Variants in TRIOBP observed in about 807,000 individuals in gnomAD.
The protein encoded by TRIOBP is TRIO and F-actin binding protein.
In TRIOBP, 169 loss-of-function variants were observed where a neutral mutation model predicts 238.8. That is an observed-to-expected ratio of 0.71 (90% confidence interval 0.62 to 0.80). The LOEUF is 0.80. Among genes scored for constraint, TRIOBP ranks in the 30% least tolerant of loss-of-function variants. The probability of loss-of-function intolerance (pLI) is 0.00; values close to 1 mark genes in which losing one functional copy is unlikely to be tolerated. For missense variants in TRIOBP, 2,838 were observed against 3,122.6 expected (o/e 0.91, Z 2.17); for synonymous variants, 1,150 against 1,274.4 (o/e 0.90, Z 2.08).
intron 4 of TRIOBP, among the ~76,000 whole-genome samples, chr22:37,712,164 C>T (rs1371011911): frequency 6.6e-6 from 1 of 151,850 alleles, no homozygotes; most frequent in East Asian, 1.9e-4. Flanking sequence ...GCCTCAGTGT[C>T]TTCCTCTGTG....
In TRIOBP at chr22:37,772,744, C is replaced by T. The variant is rs747891961; in HGVS notation, c.7080C>T (p.Arg2360=). The change falls in exon 23 of 24, where the codon CGC becomes CGT. Residue 2360 remains arginine, a synonymous_variant. Coordinates refer to ENST00000644935, the MANE Select transcript of TRIOBP (RefSeq NM_001039141.3). ...CCCTCCAGGAGAAGGAGTCGATGCG[C>T]AACAGCCTGGCTGAGTAGAGGTGGA... The part of the protein sequence containing the change: ...MAALQEKESM[R]NSLAE 6.2e-7 allele frequency: 1 copy of T among 1,613,668 alleles called. No homozygotes were observed. The highest frequency in any genetic ancestry group is 8.5e-7 in the Non-Finnish European group (1 of 1,180,028).
Position 37,746,175 on chromosome 22 carries a change from C to T in TRIOBP, c.5322+5143C>T. Reference sequence around the variant, plus strand: ...CCCGCCGCTGTTTGTCTCGGCTTCCCCGCCACCCATTGGCCCGCTCGGGTC... The same window carrying T: ...CCCGCCGCTGTTTGTCTCGGCTTCCTCGCCACCCATTGGCCCGCTCGGGTC... On this transcript the variant is annotated intron_variant, in intron 11 of 23. Transcript: ENST00000644935. 5 of 1,045,176 alleles carry T rather than the reference C, an allele frequency of 4.8e-6. No homozygotes were observed. The South Asian group carries it at 1.8e-4, about 37-fold the overall frequency. 64.7% of individuals were successfully genotyped at this position (1,045,176 alleles called of 1,614,324 possible).
At position 37,725,146 on chromosome 22, in the gene TRIOBP, C is replaced by A; in HGVS notation, c.2590C>A (p.Pro864Thr). The change falls in exon 7 of 24, where the codon CCT (proline) becomes ACT (threonine). Residue 864 changes from proline (P) to threonine (T), a missense_variant. Physicochemically the swap from Pro to Thr is conservative, Grantham distance 38 (BLOSUM62 -1). Transcript: ENST00000644935. ...TQSFSFQRDN[P>T]GTSSSQCCTQ... ...GTCCTTTTCCTTTCAACGAGACAAC[C>A]CTGGAACCTCCTCATCTCAATGCTG... The A allele has an allele frequency of 6.2e-7, 1 of 1,614,146 alleles. No individual in the cohort carries two copies. Among genetic ancestry groups the A allele is most frequent in the Non-Finnish European group, 8.5e-7 (1 of 1,180,020 alleles).
Position 37,723,783 on chromosome 22 carries a change from G to A in TRIOBP, c.1227G>A (p.Arg409=), listed in dbSNP as rs1360706442. The change falls in exon 7 of 24, where the codon CGG becomes CGA. Residue 409 remains arginine, a synonymous_variant. Coordinates refer to ENST00000644935, the MANE Select transcript of TRIOBP (RefSeq NM_001039141.3). ...RENSRTSCAQ[R]DNPKASRTSS... ...ATTCCAGAACATCCTGTGCCCAGCG[G>A]GACAATCCCAAAGCCTCCAGAACCT... 4 of 1,418,184 alleles carry A rather than the reference G, an allele frequency of 2.8e-6. No individual in the cohort carries two copies. Among genetic ancestry groups the A allele is most frequent in the Admixed American group, 1.8e-5 (1 of 56,278 alleles). 87.9% of individuals were successfully genotyped at this position (1,418,184 alleles called of 1,614,324 possible).
chr22:37,735,537 T>C, intron 9 of TRIOBP, 95 bp downstream of exon 9: 2 of 1,407,816 alleles, frequency 1.4e-6, no homozygotes, highest in Non-Finnish European at 1.9e-6. Context: ...TAGCCTAAGC[T>C]CCTGCATCCC....
intron 16 of TRIOBP, among the ~76,000 whole-genome samples, 171 bp downstream of exon 16, chr22:37,758,309 C>T (rs1926055086): frequency 6.6e-6 from 1 of 152,216 alleles, no homozygotes; most frequent in African/African-American, 2.4e-5. Context: ...CTTCCTTAGA[C>T]CTTAGTAGTT....
At chr22:37,736,420 G>A (rs1432045562) in intron 9 of TRIOBP, among the ~76,000 whole-genome samples, 2 of 152,114 alleles carry the variant, frequency 1.3e-5, no homozygotes, top group African/African-American at 4.8e-5. Flanking sequence ...GCCCCAGGAT[G>A]AGCAGGGCTT....
chr22:37,705,179 A>G (rs925001902), intron 3 of TRIOBP, among the ~76,000 whole-genome samples: 11 of 152,116 alleles, frequency 7.2e-5, no homozygotes, highest in Non-Finnish European at 1.6e-4. Flanking sequence ...GTTCAAGACC[A>G]CCCTGGCCAA....
chr22:37,755,701 C>A (rs766892146), intron 15 of TRIOBP, 42 bp downstream of exon 15: 1 of 1,568,408 alleles, frequency 6.4e-7, no homozygotes, highest in South Asian at 1.1e-5. Context: ...GAGGCACTTA[C>A]CCTTGCGTCC....
chr22:37,768,022 G>T (rs1926586200), intron 18 of TRIOBP, 52 bp from the exon 19 acceptor site: 4 of 1,465,244 alleles, frequency 2.7e-6, no homozygotes, highest in Non-Finnish European at 3.8e-6. Flanking sequence ...GTGGCACTTG[G>T]TGCTGCTGAC....
chr22:37,710,025 C>T (rs979580747), intron 3 of TRIOBP, among the ~76,000 whole-genome samples: 7 of 152,230 alleles, frequency 4.6e-5, no homozygotes, highest in African/African-American at 1.2e-4. Flanking sequence ...CTATCCACCT[C>T]GTTCTGGGGC....
chr22:37,742,892 T>C (rs1371445699), intron 11 of TRIOBP, among the ~76,000 whole-genome samples: 1 of 152,162 alleles, frequency 6.6e-6, no homozygotes, highest in Admixed American at 6.6e-5. Context: ...ACGCCTACTG[T>C]CCATTTTACA....
At chr22:37,759,032 T>C (rs1926099079) in intron 16 of TRIOBP, 122 bp from the exon 17 acceptor site, 2 of 833,192 alleles carry the variant, frequency 2.4e-6, no homozygotes, top group Admixed American at 4.1e-5. Context: ...GAGGCATTCC[T>C]AAGCCTTCCA....
At chr22:37,699,598 G>A (rs1922539312) in intron 2 of TRIOBP, among the ~76,000 whole-genome samples, 1 of 152,050 alleles carries the variant, frequency 6.6e-6, no homozygotes, top group African/African-American at 2.4e-5. Flanking sequence ...CTGGAGTACA[G>A]TGGTGCAATC....
intron 11 of TRIOBP, among the ~76,000 whole-genome samples, chr22:37,750,445 C>G (rs1925522741): frequency 6.6e-6 from 1 of 152,202 alleles, no homozygotes; most frequent in African/African-American, 2.4e-5. Context: ...CTGCAAGGCC[C>G]TGGGGCCACA....
At position 37,725,170 on chromosome 22, in the gene TRIOBP, T is replaced by A. The variant is rs1473289640; in HGVS notation, c.2614T>A (p.Cys872Ser). Reference protein sequence around the residue: ...DNPGTSSSQCCTQKENLRPSS... With the variant: ...DNPGTSSSQCSTQKENLRPSS... ...CCCTGGAACCTCCTCATCTCAATGCTGCACCCAAAAGGAGAATCTGAGACC... is the reference window on the plus strand; with the variant it reads ...CCCTGGAACCTCCTCATCTCAATGCAGCACCCAAAAGGAGAATCTGAGACC... Residue 872 changes from cysteine (C) to serine (S), a missense_variant, in exon 7 of 24, where the codon TGC becomes AGC. By Grantham distance (112) the Cys-to-Ser change is moderately radical (BLOSUM62 -1). This residue lies in a region of TRIOBP where 2,096 missense variants were observed against 2,137.4 expected (regional missense o/e 0.98). Coordinates refer to ENST00000644935, the MANE Select transcript of TRIOBP (RefSeq NM_001039141.3). The A allele has an allele frequency of 6.2e-7, 1 of 1,614,102 alleles. No individual in the cohort carries two copies. Among genetic ancestry groups the A allele is most frequent in the African/African-American group, 1.3e-5 (1 of 75,022 alleles).
chr22:37,738,686 A>T lies in TRIOBP; in HGVS notation c.5151A>T (p.Gln1717His). Reference protein sequence around the residue: ...EPEESEPSRGQDPLTDQKQAD... With the variant: ...EPEESEPSRGHDPLTDQKQAD... ...AGGAGTCAGAACCAAGCAGAGGCCA[A>T]GACCCCCTGACTGACCAGAAGCAGG... The change falls in exon 10 of 24, where the codon CAA (glutamine) becomes CAT (histidine). Residue 1717 changes from glutamine (Q) to histidine (H), a missense_variant. Physicochemically the swap from Gln to His is conservative, Grantham distance 24. Around this residue, in one of 5 missense-constraint regions of TRIOBP, gnomAD observed 2,096 missense variants for 2,137.4 expected, o/e 0.98. Coordinates refer to ENST00000644935, the MANE Select transcript of TRIOBP (RefSeq NM_001039141.3). 1 of 1,613,954 alleles carries T rather than the reference A, an allele frequency of 6.2e-7. No individual in the cohort carries two copies. Among genetic ancestry groups the T allele is most frequent in the African/African-American group, 1.3e-5 (1 of 74,976 alleles).
At chr22:37,758,398 A>T (rs977556598) in intron 16 of TRIOBP, among the ~76,000 whole-genome samples, 1 of 152,122 alleles carries the variant, frequency 6.6e-6, no homozygotes, top group Admixed American at 6.5e-5. Context: ...GAAGGGAGAG[A>T]CCTGCCAGGC....
Position 37,765,791 on chromosome 22 carries a change from C to A in TRIOBP, c.6446C>A (p.Ala2149Asp). The A allele has an allele frequency of 6.3e-7, 1 of 1,589,956 alleles. No individual in the cohort carries two copies. The highest frequency in any genetic ancestry group is 1.7e-5 in the Admixed American group (1 of 57,274). ...CAGCAGGAGAAGGAGTGGCTCCTGG[C>A]TGAGGAGACGGCAGCCACGGCCTCA... ...RLQQEKEWLL[A>D]EETAATASAI... is the part of the protein sequence containing the mutation. Residue 2149 changes from alanine (A) to aspartate (D), a missense_variant, in exon 18 of 24, where the codon GCT becomes GAT. Coordinates refer to ENST00000644935, the MANE Select transcript of TRIOBP (RefSeq NM_001039141.3).
Sources: gnomAD v4.1 joint callset for allele counts (sites outside exome capture counted in the v4.1 genomes callset) on GRCh38, gnomAD v4.1.1 for gene constraint, gnomAD v4.1.1 regional missense constraint, MANE v1.5 for transcripts, NCBI Gene and HGNC (gene_info 2026-07-23, HGNC 2026-07-21) for gene names.